Variants in RHBDD1 observed in about 807,000 individuals in gnomAD.
RHBDD1 encodes the protein rhomboid-related protein 4.
RHBDD1 carries 38 observed loss-of-function variants against 36.3 expected under a neutral mutation model. The ratio of observed to expected loss-of-function variants is 1.05; its 90% confidence interval spans 0.81 to 1.37. The LOEUF (loss-of-function observed/expected upper bound fraction) is 1.37, where lower values mean the gene tolerates loss of function less well. Ranked by LOEUF, RHBDD1 falls within the 40% of genes most tolerant of loss-of-function variation. RHBDD1 has a pLI of 0.00. For synonymous variants in RHBDD1, 151 were observed against 136.5 expected (o/e 1.11, Z -0.74); for missense variants, 393 against 377.6 (o/e 1.04, Z -0.34).
At chr2:226,827,655 C>A in the RHBDD1 span, among the ~76,000 whole-genome samples, 2 of 152,176 alleles carry the variant, frequency 1.3e-5, no homozygotes, top group African/African-American at 4.8e-5. Flanking sequence ...CTCTCCAGCT[C>A]TAGTCAATGT....
chr2:226,965,265 C>T (rs1952532879), intron 8 of RHBDD1, among the ~76,000 whole-genome samples: 1 of 152,186 alleles, frequency 6.6e-6, no homozygotes, highest in African/African-American at 2.4e-5. Flanking sequence ...CCAAGCTGGG[C>T]TAGAGGCATG....
intron 3 of RHBDD1, among the ~76,000 whole-genome samples, chr2:226,842,571 G>A (rs1363910081): frequency 2.6e-5 from 4 of 152,052 alleles, no homozygotes; most frequent in African/African-American, 9.7e-5. Flanking sequence ...GTTTTGGCCA[G>A]GTTTGTCAAA....
chr2:226,814,109 G>C, the RHBDD1 span, among the ~76,000 whole-genome samples: 1 of 152,152 alleles, frequency 6.6e-6, no homozygotes, highest in Non-Finnish European at 1.5e-5. Flanking sequence ...CATTCCATGA[G>C]TGGGACTGTA....
chr2:226,937,455 A>G (rs1292424117), intron 8 of RHBDD1, among the ~76,000 whole-genome samples: 1 of 152,018 alleles, frequency 6.6e-6, no homozygotes, highest in African/African-American at 2.4e-5. Context: ...TTTTAAGTTC[A>G]GGGGTACATG....
chr2:226,978,526 A>G (rs1955002015), intron 8 of RHBDD1, among the ~76,000 whole-genome samples: 1 of 152,136 alleles, frequency 6.6e-6, no homozygotes, highest in Non-Finnish European at 1.5e-5. Flanking sequence ...CAGTCTTTAC[A>G]TCTGTATAAT....
chr2:226,911,772 A>T (rs1452284683), intron 7 of RHBDD1, among the ~76,000 whole-genome samples: 1 of 152,022 alleles, frequency 6.6e-6, no homozygotes, highest in Non-Finnish European at 1.5e-5. Flanking sequence ...GAGGATTTGG[A>T]AAATGTACTT....
At chr2:226,927,199 A>C (rs1949719353) in intron 8 of RHBDD1, among the ~76,000 whole-genome samples, 1 of 152,166 alleles carries the variant, frequency 6.6e-6, no homozygotes, top group Non-Finnish European at 1.5e-5. Flanking sequence ...GAAATCACAC[A>C]GTATTTAGCT....
chr2:226,840,717 G>T (rs1428949318), intron 3 of RHBDD1, among the ~76,000 whole-genome samples: 3 of 152,148 alleles, frequency 2.0e-5, no homozygotes, highest in African/African-American at 7.2e-5. Context: ...GTTTCTCCAG[G>T]TGTTAACTTG....
chr2:226,928,643 AT>A (rs1038365356), intron 8 of RHBDD1, among the ~76,000 whole-genome samples: 2 of 152,214 alleles, frequency 1.3e-5, no homozygotes, highest in African/African-American at 4.8e-5. Context: ...AAGAAAAAAA[AT>A]AACAAAGATC....
At chr2:226,857,995 A>C (rs1943499550) in intron 3 of RHBDD1, among the ~76,000 whole-genome samples, 1 of 152,180 alleles carries the variant, frequency 6.6e-6, no homozygotes, top group Admixed American at 6.5e-5. Flanking sequence ...TTGGAATGCT[A>C]AGCTTGTGGG....
intron 8 of RHBDD1, among the ~76,000 whole-genome samples, chr2:226,929,564 TGAAAA>T (rs931721677): frequency 8.6e-5 from 13 of 151,932 alleles, no homozygotes; most frequent in African/African-American, 2.4e-4. Context: ...GGAGAAAAGG[TGAAAA>T]GAATTCCCTC....
chr2:226,882,463 AG>A (rs1945843692), intron 5 of RHBDD1, among the ~76,000 whole-genome samples: 1 of 150,854 alleles, frequency 6.6e-6, no homozygotes, highest in African/African-American at 2.4e-5. Flanking sequence ...AAGAAGAAGA[AG>A]AAGAAGAAAA....
In RHBDD1 at chr2:226,929,517, A is replaced by G. The variant is rs1575136823; in HGVS notation, c.856+15166A>G. Among the ~76,000 whole-genome samples, 5 of 152,254 alleles carry G rather than the reference A, an allele frequency of 3.3e-5. No homozygotes were observed. The South Asian group carries it at 8.3e-4, about 25-fold the overall frequency. Reference sequence around the variant, plus strand: ...AATATACCTCAACAAAATAAAAGCTATCTGTGACAGACTTACAGCCAATAT... The same window carrying G: ...AATATACCTCAACAAAATAAAAGCTGTCTGTGACAGACTTACAGCCAATAT... On this transcript the variant is annotated intron_variant, in intron 8 of 8. Coordinates refer to ENST00000392062, the MANE Select transcript of RHBDD1 (RefSeq NM_001167608.3).
At chr2:226,966,312 G>A (rs1952625168) in intron 8 of RHBDD1, among the ~76,000 whole-genome samples, 1 of 152,146 alleles carries the variant, frequency 6.6e-6, no homozygotes, top group South Asian at 2.1e-4. Flanking sequence ...CTCATCCTTG[G>A]TATCAGTTTT....
At chr2:226,950,683 G>A (rs1359903297) in intron 8 of RHBDD1, among the ~76,000 whole-genome samples, 1 of 152,164 alleles carries the variant, frequency 6.6e-6, no homozygotes, top group South Asian at 2.1e-4. Context: ...TCTAACAAGT[G>A]TGAGGTAGGT....
At position 226,990,773 on chromosome 2, in the gene RHBDD1, C is replaced by T. The variant is rs1958010554; in HGVS notation, c.857-4658C>T. ...GTAATTGAGGTAAATCATCTTAACA[C>T]GGGAAGTATTCCTGAGGTTCTTTGA... On this transcript the variant is annotated intron_variant, in intron 8 of 8. Coordinates refer to ENST00000392062, the MANE Select transcript of RHBDD1 (RefSeq NM_001167608.3). 2.0e-5 allele frequency among the ~76,000 whole-genome samples: 3 copies of T among 152,238 alleles called. No individual in the cohort carries two copies. In the South Asian group the frequency reaches 6.2e-4, roughly 32 times the overall value.
Position 226,914,348 on chromosome 2 carries a change from C to T in RHBDD1, c.853C>T (p.Arg285Ter), listed in dbSNP as rs147605304. The T allele has an allele frequency of 8.9e-5, 144 of 1,612,736 alleles. 1 individual carries two copies. The highest frequency in any genetic ancestry group is 5.8e-4 in the East Asian group (26 of 44,810). The change falls in exon 8 of 9, where the codon CGA becomes TGA. Residue 285 changes from arginine (R) to a stop codon, truncating the protein, a stop_gained. Transcript: ENST00000392062. LOFTEE classifies it high-confidence loss of function. ...AGCATTACAAGCCAGCCTCTGGGAC[C>T]GAGGTAGGAGTCTTGCGCCCTTCAG... is the stretch of plus-strand genomic sequence containing the variant. The part of the protein sequence containing the change: ...ERALQASLWD[R>*]GNTRNSPPPY...
chr2:226,885,462 A>G (rs1488204600), intron 5 of RHBDD1, among the ~76,000 whole-genome samples: 2 of 152,184 alleles, frequency 1.3e-5, no homozygotes, highest in Admixed American at 1.3e-4. Context: ...GTACATCATG[A>G]TAGAATATTG....
At chr2:226,917,002 G>T (rs1948953909) in intron 8 of RHBDD1, among the ~76,000 whole-genome samples, 1 of 152,172 alleles carries the variant, frequency 6.6e-6, no homozygotes, top group Non-Finnish European at 1.5e-5. Context: ...CAATTTTATA[G>T]ACTTGAATCT....
Sources: gnomAD v4.1 joint callset for allele counts (sites outside exome capture counted in the v4.1 genomes callset) on GRCh38, gnomAD v4.1.1 for gene constraint, MANE v1.5 for transcripts, NCBI Gene and HGNC (gene_info 2026-07-23, HGNC 2026-07-21) for gene names.